DLGAP2: variants seen among roughly 807,000 people sequenced by gnomAD.
DLGAP2 encodes DLG associated protein 2.
Under a neutral mutation model 100.3 loss-of-function variants are expected in DLGAP2, and 26 were observed. The ratio of observed to expected loss-of-function variants is 0.26; its 90% CI spans 0.19 to 0.36. The LOEUF (loss-of-function observed/expected upper bound fraction) is 0.36. Ranked by LOEUF, DLGAP2 falls within the 10% of genes least tolerant of loss-of-function variation. The pLI is 1.00. For missense variants in DLGAP2, 1,858 were observed against 1,453.2 expected (o/e 1.28, Z -4.53); for synonymous variants, 886 against 630.1 (o/e 1.41, Z -6.08).
intron 2 of DLGAP2, among the ~76,000 whole-genome samples, chr8:1,039,070 A>G (rs1344304754): frequency 1.3e-5 from 2 of 152,194 alleles, no homozygotes; most frequent in Non-Finnish European, 2.9e-5. Context: ...CCTCCTTTAT[A>G]AAATGGAAAC....
At chr8:1,351,808 G>A (rs1186826381) in intron 3 of DLGAP2, among the ~76,000 whole-genome samples, 1 of 84,172 alleles carries the variant, frequency 1.2e-5, no homozygotes, top group African/African-American at 4.1e-5. Context: ...GGACGTGCGC[G>A]TCCTGCGTGT....
chr8:1,083,363 G>C (rs1333313699), intron 2 of DLGAP2, among the ~76,000 whole-genome samples: 1 of 152,180 alleles, frequency 6.6e-6, no homozygotes, highest in Non-Finnish European at 1.5e-5. Context: ...AGGCAGGGGA[G>C]AAGAGTAGCC....
chr8:882,914 C>T (rs896909051), intron 1 of DLGAP2, among the ~76,000 whole-genome samples: 1 of 152,268 alleles, frequency 6.6e-6, no homozygotes, highest in Admixed American at 6.5e-5. Context: ...CGGATCTCTG[C>T]ATCGGTCTGG....
intron 3 of DLGAP2, among the ~76,000 whole-genome samples, chr8:1,311,643 A>C (rs556415563): frequency 7.2e-5 from 11 of 152,190 alleles, no homozygotes; most frequent in African/African-American, 2.6e-4. Flanking sequence ...AATTAACACT[A>C]CCTGCACATC....
intron 2 of DLGAP2, among the ~76,000 whole-genome samples, chr8:1,078,632 G>C (rs1223000662): frequency 6.6e-6 from 1 of 152,164 alleles, no homozygotes; most frequent in African/African-American, 2.4e-5. Flanking sequence ...TTCTTTTCCA[G>C]AATGTCATAG....
chr8:1,110,666 C>G (rs934966659), intron 2 of DLGAP2, among the ~76,000 whole-genome samples: 5 of 151,538 alleles, frequency 3.3e-5, no homozygotes, highest in African/African-American at 1.2e-4. Context: ...ATGAGAAACC[C>G]AAACATCTGC....
intron 2 of DLGAP2, among the ~76,000 whole-genome samples, chr8:1,205,901 G>A (rs977685514): frequency 7.9e-5 from 12 of 152,130 alleles, no homozygotes; most frequent in African/African-American, 2.7e-4. Flanking sequence ...GTCTGTGATC[G>A]CAGCTACCTG....
At chr8:1,565,219 C>G (rs1802348431) in intron 5 of DLGAP2, among the ~76,000 whole-genome samples, 1 of 152,156 alleles carries the variant, frequency 6.6e-6, no homozygotes, top group African/African-American at 2.4e-5. Context: ...TAGAACTTGG[C>G]TTCTAGATTT....
At chr8:1,537,149 G>A (rs1801180872) in intron 4 of DLGAP2, among the ~76,000 whole-genome samples, 1 of 152,166 alleles carries the variant, frequency 6.6e-6, no homozygotes, top group African/African-American at 2.4e-5. Context: ...CAGCCTGGCT[G>A]TCAAGCCTCT....
intron 3 of DLGAP2, among the ~76,000 whole-genome samples, chr8:1,437,665 G>A (rs890309099): frequency 6.6e-6 from 1 of 151,840 alleles, no homozygotes; most frequent in Non-Finnish European, 1.5e-5. Context: ...ATATGCATCA[G>A]TTTATACATT....
chr8:1,078,436 T>G (rs947181014), intron 2 of DLGAP2, among the ~76,000 whole-genome samples: 1 of 152,170 alleles, frequency 6.6e-6, no homozygotes, highest in Non-Finnish European at 1.5e-5. Flanking sequence ...ACAGCTTATA[T>G]CACATCCAGC....
At chr8:1,315,379 T>C (rs1416147209) in intron 3 of DLGAP2, among the ~76,000 whole-genome samples, 3 of 142,488 alleles carry the variant, frequency 2.1e-5, no homozygotes, top group Non-Finnish European at 4.5e-5. Context: ...GCAGCGTCTC[T>C]CCAACAGTGG....
In DLGAP2 at chr8:1,706,322, C is replaced by A. The variant is rs1051632756; in HGVS notation, c.*4916C>A. The A allele has an allele frequency of 6.6e-6, 1 of 152,196 alleles. No homozygotes were observed. Among genetic ancestry groups the A allele is most frequent in the African/African-American group, 2.4e-5 (1 of 41,426 alleles). 9.4% of individuals were successfully genotyped at this position (152,196 alleles called of 1,614,324 possible). A position where few individuals can be genotyped will look rare whatever the true frequency, so the allele number is the denominator to read the frequency against. Reference sequence around the variant, plus strand: ...TGTCCCTGTCTTCCTCCAGGACACACTGTGAGGATTAATGACATATTGGCT... The same window carrying A: ...TGTCCCTGTCTTCCTCCAGGACACAATGTGAGGATTAATGACATATTGGCT... On this transcript the variant is annotated 3_prime_UTR_variant, in exon 15 of 15. Transcript: ENST00000637795.
intron 1 of DLGAP2, among the ~76,000 whole-genome samples, chr8:821,332 T>C (rs1434094069): frequency 6.6e-6 from 1 of 151,946 alleles, no homozygotes; most frequent in Non-Finnish European, 1.5e-5. Context: ...TGTAGGAGAG[T>C]GTTTTGCGAT....
intron 6 of DLGAP2, among the ~76,000 whole-genome samples, chr8:1,591,738 C>T (rs1796297585): frequency 6.6e-6 from 1 of 152,206 alleles, no homozygotes; most frequent in Non-Finnish European, 1.5e-5. Flanking sequence ...CCTGGCCCCA[C>T]ATCACACCCA....
intron 2 of DLGAP2, among the ~76,000 whole-genome samples, chr8:1,156,978 C>T (rs775024083): frequency 6.6e-6 from 1 of 152,062 alleles, no homozygotes. Context: ...TCCACTGTTA[C>T]AGCTCCTCCC....
chr8:1,294,480 G>A (rs937804508), intron 3 of DLGAP2, among the ~76,000 whole-genome samples: 3 of 152,214 alleles, frequency 2.0e-5, no homozygotes, highest in African/African-American at 4.8e-5. Context: ...TCACCGTCAC[G>A]TTCTAAGTGT....
intron 2 of DLGAP2, among the ~76,000 whole-genome samples, chr8:1,117,075 A>C (rs1057293266): frequency 2.0e-5 from 3 of 152,230 alleles, no homozygotes; most frequent in Non-Finnish European, 4.4e-5. Context: ...TGGGTTTTTA[A>C]AATTTGCTAC....
intron 10 of DLGAP2, 32 bp from the exon 11 acceptor site, chr8:1,676,501 G>C (rs765472321): frequency 1.2e-5 from 19 of 1,600,564 alleles, no homozygotes; most frequent in Non-Finnish European, 1.6e-5. Flanking sequence ...CCATGTTTCA[G>C]TTCTAAAATA....
Sources: allele counts gnomAD v4.1 joint callset (sites outside exome capture counted in the v4.1 genomes callset), GRCh38; gene constraint gnomAD v4.1.1; transcripts MANE v1.5; gene names NCBI Gene and HGNC (gene_info 2026-07-23, HGNC 2026-07-21).